SHANK2: variants seen among roughly 807,000 people sequenced by gnomAD.
SHANK2 encodes the protein SH3 and multiple ankyrin repeat domains 2.
A neutral mutation model predicts 133.7 loss-of-function variants in SHANK2; 43 were observed. The ratio of observed to expected loss-of-function variants is 0.32; its 90% CI spans 0.25 to 0.41. The LOEUF (loss-of-function observed/expected upper bound fraction) is 0.41. Among genes scored for constraint, SHANK2 ranks in the 10% least tolerant of loss-of-function variants. SHANK2 has a pLI of 1.00. For synonymous variants in SHANK2, 1,017 were observed against 952.8 expected (o/e 1.07, Z -1.24); for missense variants, 1,994 against 2,235.8 (o/e 0.89, Z 2.18).
intron 14 of SHANK2, among the ~76,000 whole-genome samples, chr11:70,780,107 A>T (rs782399726): frequency 1.8e-4 from 28 of 152,212 alleles, no homozygotes; most frequent in Admixed American, 3.3e-4. Flanking sequence ...AGATGGAATG[A>T]GAGCTCCCTG....
Position 70,472,937 on chromosome 11 carries a change from G to T in SHANK2, c.5482C>A (p.Leu1828Ile). 1.2e-6 allele frequency: 2 copies of T among 1,614,244 alleles called. No individual in the cohort carries two copies. The highest frequency in any genetic ancestry group is 1.7e-6 in the Non-Finnish European group (2 of 1,180,044). ...PNLQKEDLID[L>I]GVTRVGHRMN... ...CTGTGCCCGACTCGAGTTACCCCAA[G>T]ATCGATGAGGTCCTCCTTCTGCAGG... Residue 1828 changes from leucine (L) to isoleucine (I), a missense_variant, in exon 26 of 26, where the codon CTT becomes ATT. Leu to Ile is a conservative substitution (Grantham distance 5). This residue lies in a region of SHANK2 where 42 missense variants were observed against 79.9 expected (regional missense o/e 0.53). Coordinates refer to ENST00000601538, the MANE Select transcript of SHANK2 (RefSeq NM_012309.5). The surrounding 1 kb of genome is among the most constrained non-coding windows in gnomAD (Gnocchi z 4.4).
chr11:70,770,373 T>C (rs1416842736), intron 14 of SHANK2, among the ~76,000 whole-genome samples: 1 of 152,206 alleles, frequency 6.6e-6, no homozygotes, highest in Non-Finnish European at 1.5e-5. Context: ...GTGGTCCTCA[T>C]GCCTCTGCTC....
intron 8 of SHANK2, among the ~76,000 whole-genome samples, chr11:71,077,066 AG>A (rs1231568249): frequency 6.6e-6 from 1 of 152,122 alleles, no homozygotes; most frequent in Non-Finnish European, 1.5e-5. Context: ...ACACTGTCTG[AG>A]CCCCTCTAAG....
chr11:70,910,570 G>C (rs529020080), intron 10 of SHANK2, among the ~76,000 whole-genome samples: 5 of 152,210 alleles, frequency 3.3e-5, no homozygotes, highest in Non-Finnish European at 5.9e-5. Flanking sequence ...CACACTGAGA[G>C]GCTGAGGTGG....
intron 17 of SHANK2, among the ~76,000 whole-genome samples, chr11:70,641,799 C>T (rs574973496): frequency 8.5e-5 from 13 of 152,294 alleles, no homozygotes; most frequent in East Asian, 1.9e-4. Flanking sequence ...ATTGCGGGCA[C>T]GGACACACAA....
chr11:71,157,199 G>T (rs1952923826), intron 2 of SHANK2, among the ~76,000 whole-genome samples: 1 of 152,114 alleles, frequency 6.6e-6, no homozygotes, highest in Non-Finnish European at 1.5e-5. Context: ...AAAAGAAATG[G>T]GCTCTAGGGA....
intron 14 of SHANK2, among the ~76,000 whole-genome samples, chr11:70,745,840 A>C (rs1480871658): frequency 1.3e-5 from 2 of 152,220 alleles, no homozygotes; most frequent in East Asian, 3.9e-4. Flanking sequence ...TGAGGCTCAA[A>C]AGGTGGCCTC....
At chr11:70,521,391 T>C (rs1377692651) in intron 17 of SHANK2, among the ~76,000 whole-genome samples, 1 of 152,248 alleles carries the variant, frequency 6.6e-6, no homozygotes, top group African/African-American at 2.4e-5. Context: ...TTAATGCCAT[T>C]AATTTAATTA....
At position 70,600,346 on chromosome 11, in the gene SHANK2, G is replaced by T. The variant is rs1381849664; in HGVS notation, c.2061+59482C>A. On this transcript the variant is annotated intron_variant, in intron 17 of 25. Transcript: ENST00000601538. ...AGGCATGAGAATTGCTTGAACCTGG[G>T]AGGCGGAGGTGTCAGTGAGCCGAGA... 2.0e-5 allele frequency among the ~76,000 whole-genome samples: 3 copies of T among 149,898 alleles called. No homozygotes were observed. The Admixed American group carries it at 2.0e-4, about 10-fold the overall frequency.
In SHANK2 at chr11:71,147,407, T is replaced by C. The variant is rs1175017177; in HGVS notation, c.-12-69A>G. The C allele has an allele frequency of 6.1e-5, 81 of 1,328,008 alleles. No individual in the cohort carries two copies. In the Middle Eastern group the frequency reaches 2.7e-3, roughly 44 times the overall value. 82.3% of individuals were successfully genotyped at this position (1,328,008 alleles called of 1,614,324 possible). ...AATGAAAGAAAACCCAGGGGCACGG[T>C]GGACACTGGCGCTGGAACACACGTG... is the stretch of plus-strand genomic sequence containing the variant. On this transcript the variant is annotated intron_variant, in intron 2 of 25. Transcript: ENST00000601538.
chr11:70,503,812 C>T (rs782598850), intron 17 of SHANK2, among the ~76,000 whole-genome samples: 9 of 152,226 alleles, frequency 5.9e-5, no homozygotes, highest in Non-Finnish European at 1.2e-4. Flanking sequence ...CCCAGCCCCA[C>T]GCTACTCCCA....
intron 17 of SHANK2, among the ~76,000 whole-genome samples, chr11:70,637,976 C>A (rs750052269): frequency 3.7e-4 from 57 of 152,204 alleles, no homozygotes; most frequent in Non-Finnish European, 3.2e-4. Flanking sequence ...TCGGGGAATG[C>A]TCAAGAGCCC....
intron 14 of SHANK2, among the ~76,000 whole-genome samples, chr11:70,780,762 C>T (rs1450793963): frequency 6.6e-6 from 1 of 151,878 alleles, no homozygotes; most frequent in Non-Finnish European, 1.5e-5. Context: ...TTAGTAGAGA[C>T]GGGGATTCAC....
intron 17 of SHANK2, among the ~76,000 whole-genome samples, chr11:70,536,234 C>A (rs375741664): frequency 2.0e-5 from 3 of 152,222 alleles, no homozygotes; most frequent in African/African-American, 7.2e-5. Flanking sequence ...GCGGAGCTCA[C>A]AGTGCCAGGG....
chr11:70,813,279 G>A (rs890487833), intron 12 of SHANK2, among the ~76,000 whole-genome samples: 8 of 152,162 alleles, frequency 5.3e-5, no homozygotes, highest in Non-Finnish European at 1.2e-4. Context: ...GGACAGCTGG[G>A]TAGTGCAGAG....
rs141776847 is a variant in SHANK2 at position 70,676,235 on chromosome 11, C to T, written c.1854-14557G>A. Among the ~76,000 whole-genome samples, 52 of 152,354 alleles carry T rather than the reference C, an allele frequency of 3.4e-4. No homozygotes were observed. The East Asian group carries it at 7.7e-3, about 23-fold the overall frequency. ...CTTCCCAGCTTGCTGCCTGCTGCAG[C>T]GACTGGAAAAGCCAGACACTTGCTA... On this transcript the variant is annotated intron_variant, in intron 15 of 25. Transcript: ENST00000601538.
At chr11:70,712,936 A>T (rs185837004) in intron 14 of SHANK2, among the ~76,000 whole-genome samples, 3 of 152,290 alleles carry the variant, frequency 2.0e-5, no homozygotes, top group Admixed American at 2.0e-4. Context: ...CCATGTGCGC[A>T]CATGTGTATG....
intron 9 of SHANK2, among the ~76,000 whole-genome samples, chr11:71,065,837 ATACAGAACTCTCCCAGGGAGATGAGCG>A (rs1951048010): frequency 1.6e-5 from 1 of 63,236 alleles, no homozygotes; most frequent in Non-Finnish European, 3.0e-5. Context: ...GGGGCGGGGC[ATACAGAACTCTCCCAGGGAGATGAGCG>A]GTGAGTGGGG....
At chr11:70,594,902 C>T (rs1272024289) in intron 17 of SHANK2, among the ~76,000 whole-genome samples, 1 of 152,114 alleles carries the variant, frequency 6.6e-6, no homozygotes, top group Non-Finnish European at 1.5e-5. Flanking sequence ...CTTCAGGGAC[C>T]CCATGTTCGT....
Sources: allele counts gnomAD v4.1 joint callset (sites outside exome capture counted in the v4.1 genomes callset), GRCh38; gene constraint gnomAD v4.1.1; regional missense constraint gnomAD v4.1.1; non-coding constraint Gnocchi (gnomAD v3.1); transcripts MANE v1.5; gene names NCBI Gene and HGNC (gene_info 2026-07-23, HGNC 2026-07-21).